The following RNF38 variants were observed in gnomAD, a reference collection of about 807,000 sequenced individuals.
RNF38 encodes the protein E3 ubiquitin-protein ligase RNF38.
Under a neutral mutation model 67.2 loss-of-function variants are expected in RNF38, and 15 were observed. That is an observed-to-expected ratio of 0.22 (90% confidence interval 0.15 to 0.34). The LOEUF is 0.34. Among genes scored for constraint, RNF38 ranks in the 10% least tolerant of loss-of-function variants. The pLI, the probability that RNF38 is intolerant of heterozygous loss-of-function variation, is 1.00. For synonymous variants in RNF38, 220 were observed against 218.8 expected (o/e 1.01, Z -0.05); for missense variants, 524 against 639.9 (o/e 0.82, Z 1.95).
At chr9:36,444,872 C>T (rs1342371702) in intron 1 of RNF38, among the ~76,000 whole-genome samples, 8 of 151,524 alleles carry the variant, frequency 5.3e-5, no homozygotes, top group Admixed American at 5.3e-4. Flanking sequence ...TCTTTAGTAA[C>T]CTGAAAATTT....
chr9:36,390,494 C>T lies in RNF38; in HGVS notation c.135G>A (p.Glu45=). ...LPSDQNTTVQ[E]DAHFKAFFQS... ...GGAAGAAAGCTTTGAAGTGAGCATC[C>T]TCTTGAACGGTAGTGTTCTGATCAC... Residue 45 remains glutamate (E), a synonymous_variant, in exon 2 of 12, where the codon GAG becomes GAA. Coordinates refer to ENST00000259605, the MANE Select transcript of RNF38 (RefSeq NM_022781.5). 1 of 1,613,228 alleles carries T rather than the reference C, an allele frequency of 6.2e-7. No homozygotes were observed. Among genetic ancestry groups the T allele is most frequent in the Non-Finnish European group, 8.5e-7 (1 of 1,179,668 alleles).
At chr9:36,406,366 G>A (rs538153467) in intron 2 of RNF38, among the ~76,000 whole-genome samples, 2 of 152,316 alleles carry the variant, frequency 1.3e-5, no homozygotes, top group South Asian at 4.1e-4. Flanking sequence ...CTAATGAGAA[G>A]GCAGTTCCTC....
At chr9:36,434,191 G>A (rs575379951) in intron 1 of RNF38, among the ~76,000 whole-genome samples, 1 of 147,564 alleles carries the variant, frequency 6.8e-6, no homozygotes, top group Non-Finnish European at 1.5e-5. Context: ...AGCTGAGATC[G>A]TGCCACTGCA....
Position 36,357,804 on chromosome 9 carries a change from G to A in RNF38, c.709C>T (p.His237Tyr), listed in dbSNP as rs1834241380. The A allele has an allele frequency of 6.2e-7, 1 of 1,613,632 alleles. No individual in the cohort carries two copies. The highest frequency in any genetic ancestry group is 1.7e-5 in the Admixed American group (1 of 59,982). The change falls in exon 5 of 12, where the codon CAC becomes TAC. Residue 237 changes from histidine to tyrosine, a missense_variant. Physicochemically the swap from His to Tyr is moderately conservative, Grantham distance 83. Transcript: ENST00000259605. ...PGCSVVFSGQ[H>Y]LPVCSVPPPM... ...GGAGGCACACTACAGACAGGGAGGTGCTGTCCACTGAAAACCACAGAGCAT... is the reference window on the plus strand; with the variant it reads ...GGAGGCACACTACAGACAGGGAGGTACTGTCCACTGAAAACCACAGAGCAT...
chr9:36,339,943 T>G, intron 11 of RNF38, 129 bp from the exon 12 acceptor site: 1 of 838,138 alleles, frequency 1.2e-6, no homozygotes, highest in Non-Finnish European at 1.9e-6. Context: ...ACAAAGCAAT[T>G]TTTGCCTTTT....
At chr9:36,396,040 A>G (rs1239440651) in intron 1 of RNF38, among the ~76,000 whole-genome samples, 1 of 152,244 alleles carries the variant, frequency 6.6e-6, no homozygotes, top group Non-Finnish European at 1.5e-5. Context: ...TAGAGCAGCC[A>G]AATCAATGAG....
chr9:36,435,692 C>T (rs950308679), intron 1 of RNF38, among the ~76,000 whole-genome samples: 4 of 150,790 alleles, frequency 2.7e-5, no homozygotes, highest in East Asian at 3.9e-4. Context: ...TGCAGTGGCG[C>T]GATCTCGGCT....
At chr9:36,466,061 TA>T (rs906228438) in intron 1 of RNF38, among the ~76,000 whole-genome samples, 1 of 151,624 alleles carries the variant, frequency 6.6e-6, no homozygotes, top group Non-Finnish European at 1.5e-5. Context: ...CGTGAAAAAG[TA>T]AAAAAAAGTA....
intron 1 of RNF38, among the ~76,000 whole-genome samples, chr9:36,474,265 A>AGAGAGCACCATT (rs1462816662): frequency 1.5e-4 from 22 of 149,908 alleles, no homozygotes; most frequent in South Asian, 2.2e-4. Flanking sequence ...GTGAGCCAAG[A>AGAGAGCACCATT]TCACGCCACT....
chr9:36,426,024 T>C (rs1838761550), intron 1 of RNF38, among the ~76,000 whole-genome samples: 1 of 152,216 alleles, frequency 6.6e-6, no homozygotes, highest in Non-Finnish European at 1.5e-5. Context: ...ATATTATTAA[T>C]GTTGGGAAGA....
At chr9:36,386,755 C>T (rs1385440569) in intron 2 of RNF38, among the ~76,000 whole-genome samples, 5 of 152,184 alleles carry the variant, frequency 3.3e-5, no homozygotes, top group Non-Finnish European at 7.3e-5. Context: ...CCACCAGCAC[C>T]ATGACAGTTT....
intron 1 of RNF38, among the ~76,000 whole-genome samples, chr9:36,446,999 T>C (rs542560845): frequency 3.2e-4 from 48 of 150,228 alleles, no homozygotes; most frequent in South Asian, 1.3e-3. Context: ...TGGTGGCGGA[T>C]GCCTGTATTC....
chr9:36,418,585 T>C (rs1350312210), intron 2 of RNF38, among the ~76,000 whole-genome samples: 2 of 151,226 alleles, frequency 1.3e-5, no homozygotes, highest in African/African-American at 2.4e-5. Flanking sequence ...CAGGAGTTCA[T>C]GACCAGCTTG....
At chr9:36,398,365 T>TC (rs1355941875) in intron 1 of RNF38, among the ~76,000 whole-genome samples, 1 of 152,190 alleles carries the variant, frequency 6.6e-6, no homozygotes, top group East Asian at 1.9e-4. Context: ...GCCCAGAAGT[T>TC]CGAGTCCAGA....
intron 1 of RNF38, among the ~76,000 whole-genome samples, chr9:36,482,177 C>G (rs1840286723): frequency 6.6e-6 from 1 of 151,640 alleles, no homozygotes; most frequent in Non-Finnish European, 1.5e-5. Flanking sequence ...CCTCAGCCTC[C>G]CAAGTAGCTG....
At chr9:36,456,584 T>A (rs1248851918) in intron 1 of RNF38, among the ~76,000 whole-genome samples, 2 of 152,120 alleles carry the variant, frequency 1.3e-5, no homozygotes, top group African/African-American at 4.8e-5. Flanking sequence ...GGATCTATCC[T>A]AGACTCTGCC....
chr9:36,483,615 T>A (rs1840332021), intron 1 of RNF38, among the ~76,000 whole-genome samples: 1 of 152,212 alleles, frequency 6.6e-6, no homozygotes, highest in African/African-American at 2.4e-5. Context: ...TCTTGAGGGA[T>A]AATCAGTTGT....
chr9:36,400,498 C>A, upstream of RNF38: 1 of 1,002,634 alleles, frequency 1.0e-6, no homozygotes, highest in African/African-American at 1.7e-5. Context: ...AGGCTCTCAA[C>A]GGCCCGCAGC....
In RNF38 at chr9:36,380,212, T is replaced by C. The variant is rs1158357606; in HGVS notation, c.163-4085A>G. Among the ~76,000 whole-genome samples, 5 of 152,348 alleles carry C rather than the reference T, an allele frequency of 3.3e-5. No individual in the cohort carries two copies. In the South Asian group the frequency reaches 6.2e-4, roughly 19 times the overall value. Reference sequence around the variant, plus strand: ...TAAATATAACATACTTTTTTGCTTGTTTTTTGAGATGGAGCTTTGCTTTTG... The same window carrying C: ...TAAATATAACATACTTTTTTGCTTGCTTTTTGAGATGGAGCTTTGCTTTTG... On this transcript the variant is annotated intron_variant, in intron 2 of 11. Coordinates refer to ENST00000259605, the MANE Select transcript of RNF38 (RefSeq NM_022781.5).
Sources: allele counts gnomAD v4.1 joint callset (sites outside exome capture counted in the v4.1 genomes callset), GRCh38; gene constraint gnomAD v4.1.1; transcripts MANE v1.5; gene names NCBI Gene and HGNC (gene_info 2026-07-23, HGNC 2026-07-21).